Variants in NXN observed in about 807,000 individuals in gnomAD.
NXN encodes nucleoredoxin 1.
Under a neutral mutation model 48.6 loss-of-function variants are expected in NXN, and 16 were observed. The ratio of observed to expected loss-of-function variants is 0.33; its 90% CI spans 0.22 to 0.50. The LOEUF (loss-of-function observed/expected upper bound fraction) is 0.50. NXN is among the 20% of genes least tolerant of loss of function. The pLI is 0.98. For synonymous variants in NXN, 281 were observed against 269.6 expected, an observed-to-expected ratio of 1.04 and a Z score of -0.41; for missense variants, 492 against 605.5, an observed-to-expected ratio of 0.81 and a Z score of 1.97.
intron 1 of NXN, among the ~76,000 whole-genome samples, chr17:872,099 G>A (rs958356697): frequency 2.0e-5 from 3 of 152,146 alleles, no homozygotes; most frequent in African/African-American, 7.2e-5. Flanking sequence ...AACCAGGGAT[G>A]ATGGAGAGTT....
At chr17:906,259 C>G (rs1195415071) in intron 1 of NXN, among the ~76,000 whole-genome samples, 1 of 152,022 alleles carries the variant, frequency 6.6e-6, no homozygotes, top group East Asian at 1.9e-4. Flanking sequence ...GGAAGTGGCA[C>G]CATATAGTTA....
chr17:957,364 G>T (rs2069182654), intron 1 of NXN, among the ~76,000 whole-genome samples: 1 of 151,496 alleles, frequency 6.6e-6, no homozygotes. Flanking sequence ...CCGGGCGCAG[G>T]GGCTCACTTC....
At chr17:812,659 TGTAG>T (rs1208041023) in intron 5 of NXN, among the ~76,000 whole-genome samples, 1 of 147,198 alleles carries the variant, frequency 6.8e-6, no homozygotes, top group Non-Finnish European at 1.5e-5. Context: ...TGTGTGTGAC[TGTAG>T]GTGTGTGTGA....
chr17:924,538 A>G (rs2144959053), intron 1 of NXN, among the ~76,000 whole-genome samples: 1 of 152,258 alleles, frequency 6.6e-6, no homozygotes, highest in African/African-American at 2.4e-5. Context: ...CGCCCGGCCG[A>G]TTTTTAATTT....
At chr17:975,227 G>A (rs1325394481) in intron 1 of NXN, among the ~76,000 whole-genome samples, 1 of 152,186 alleles carries the variant, frequency 6.6e-6, no homozygotes, top group Non-Finnish European at 1.5e-5. Flanking sequence ...GGCTTCTTAT[G>A]AAGAAGGCAG....
At position 894,053 on chromosome 17, in the gene NXN, C is replaced by A. The variant is rs1162996109; in HGVS notation, c.361-67975G>T. On this transcript the variant is annotated intron_variant, in intron 1 of 7. Transcript: ENST00000336868. ...GGAAGCCAGAGGAAGCATCTCAACTCCCTGGAAGCCAGAGGAAGCATCTCA... is the reference window on the plus strand; with the variant it reads ...GGAAGCCAGAGGAAGCATCTCAACTACCTGGAAGCCAGAGGAAGCATCTCA... Among the ~76,000 whole-genome samples, 5 of 102,732 alleles carry A rather than the reference C, an allele frequency of 4.9e-5. No individual in the cohort carries two copies. The East Asian group carries it at 1.7e-3, about 34-fold the overall frequency. The allele number at this position is 102,732 out of a possible 152,430, so 67.4% of individuals were successfully genotyped here. A position where few individuals can be genotyped will look rare whatever the true frequency, so the allele number is the denominator to read the frequency against.
chr17:850,980 T>C (rs946754096), intron 1 of NXN, among the ~76,000 whole-genome samples: 7 of 152,170 alleles, frequency 4.6e-5, no homozygotes. Context: ...ACCCGGACGA[T>C]GCCACTACTC....
rs1199429090 is a variant in NXN at position 956,534 on chromosome 17, CT to C, written c.360+22784del. On this transcript the variant is annotated intron_variant, in intron 1 of 7. Coordinates refer to ENST00000336868, the MANE Select transcript of NXN (RefSeq NM_022463.5). This position sits in a 1 kb window ranked among gnomAD's most constrained non-coding sequence, Gnocchi z 4.1. ...GTTCCCGCCATTCTCCTGCCTCAGC[CT>C]CCCAAGTAGCTGGGACTACAGGCGC... Among the ~76,000 whole-genome samples the C allele has an allele frequency of 6.6e-6, 1 of 152,210 alleles. No individual in the cohort carries two copies.
Position 931,834 on chromosome 17 carries a change from C to CAA in NXN, c.360+47483_360+47484dup, listed in dbSNP as rs34072582. Among the ~76,000 whole-genome samples the CAA allele has an allele frequency of 3.7e-3, 327 of 88,368 alleles. 2 individuals are homozygous for CAA. Among genetic ancestry groups the CAA allele is most frequent in the African/African-American group, 0.02 (314 of 15,836 alleles). 58.0% of individuals were successfully genotyped at this position (88,368 alleles called of 152,430 possible). A position where few individuals can be genotyped will look rare whatever the true frequency, so the allele number is the denominator to read the frequency against. On this transcript the variant is annotated intron_variant, in intron 1 of 7. Coordinates refer to ENST00000336868, the MANE Select transcript of NXN (RefSeq NM_022463.5). The stretch of plus-strand genomic sequence containing the variant: ...TGGGCGACAGAGTAAGACTCCGTCT[C>CAA]AAAAAAAAAAAAAAAAAAAAAATTT...
intron 1 of NXN, among the ~76,000 whole-genome samples, chr17:882,855 C>T (rs1399852235): frequency 6.6e-6 from 1 of 152,092 alleles, no homozygotes; most frequent in Admixed American, 6.6e-5. Context: ...CTCTGTCTCC[C>T]GGGTTCAAGC....
In NXN at chr17:979,768, G is replaced by A; in HGVS notation, c.-90C>T. The A allele has an allele frequency of 9.0e-7, 1 of 1,111,992 alleles. No homozygotes were observed. Among genetic ancestry groups the A allele is most frequent in the Non-Finnish European group, 1.1e-6 (1 of 876,898 alleles). 68.9% of individuals were successfully genotyped at this position (1,111,992 alleles called of 1,614,324 possible). Reference sequence around the variant, plus strand: ...GGCGGCGGCGTCGGCGGCAGGCGCTGGGGAGAGCAGAGCCCGGCCCAGTAG... The same window carrying A: ...GGCGGCGGCGTCGGCGGCAGGCGCTAGGGAGAGCAGAGCCCGGCCCAGTAG... On this transcript the variant is annotated 5_prime_UTR_variant, in exon 1 of 8. Transcript: ENST00000336868.
intron 1 of NXN, among the ~76,000 whole-genome samples, chr17:921,326 C>T (rs2068748430): frequency 6.6e-6 from 1 of 152,142 alleles, no homozygotes; most frequent in South Asian, 2.1e-4. Context: ...CCTACCCCGG[C>T]TCCCTCTCCG....
chr17:841,603 C>CT (rs149671291), intron 1 of NXN, among the ~76,000 whole-genome samples: 2,991 of 22,056 alleles, frequency 0.14, 546 homozygotes, highest in Middle Eastern at 0.2. Context: ...CAGGTCCCCC[C>CT]GACCACAGAG....
chr17:893,502 G>A (rs148878903), intron 1 of NXN, among the ~76,000 whole-genome samples: 3 of 152,320 alleles, frequency 2.0e-5, no homozygotes, highest in East Asian at 1.9e-4. Context: ...AAGAAGCCTT[G>A]GCCTTCAAAA....
At chr17:937,961 G>A (rs780654136) in intron 1 of NXN, among the ~76,000 whole-genome samples, 4 of 152,240 alleles carry the variant, frequency 2.6e-5, no homozygotes, top group East Asian at 3.9e-4. Flanking sequence ...CAGGAGCCAC[G>A]GGGCGCAGGG....
At position 829,639 on chromosome 17, in the gene NXN, A is replaced by G. The variant is rs565622612; in HGVS notation, c.361-3561T>C. Reference sequence around the variant, plus strand: ...CTCCCCTAGGCCCCCACCTGCCAACAGGCCCCAGTGTGTGATGTTCCCCTC... The same window carrying G: ...CTCCCCTAGGCCCCCACCTGCCAACGGGCCCCAGTGTGTGATGTTCCCCTC... On this transcript the variant is annotated intron_variant, in intron 1 of 7. Transcript: ENST00000336868. 9.9e-5 allele frequency among the ~76,000 whole-genome samples: 15 copies of G among 151,970 alleles called. No homozygotes were observed. In the South Asian group the frequency reaches 1.0e-3, roughly 11 times the overall value.
chr17:870,755 G>GAA (rs113824007), intron 1 of NXN, among the ~76,000 whole-genome samples: 6 of 131,440 alleles, frequency 4.6e-5, no homozygotes, highest in South Asian at 2.4e-4. Flanking sequence ...ACTCTGTCTG[G>GAA]AAAAAAAAAA....
intron 1 of NXN, chr17:863,991 G>A: frequency 6.5e-7 from 1 of 1,535,316 alleles, no homozygotes. Context: ...CCATTGCTCA[G>A]TTTCGGTGAA....
intron 1 of NXN, among the ~76,000 whole-genome samples, chr17:964,523 C>T (rs9909712): frequency 0.016 from 2,413 of 152,238 alleles, 48 homozygotes; most frequent in African/African-American, 0.047. Flanking sequence ...CTTAAAGCAA[C>T]GCATCCAAGG....
Sources: gnomAD v4.1 joint callset for allele counts (sites outside exome capture counted in the v4.1 genomes callset) on GRCh38, gnomAD v4.1.1 for gene constraint, Gnocchi (gnomAD v3.1) non-coding constraint, MANE v1.5 for transcripts, NCBI Gene and HGNC (gene_info 2026-07-23, HGNC 2026-07-21) for gene names.